KCNH1: variants seen among roughly 807,000 people sequenced by gnomAD.
The protein encoded by KCNH1 is potassium voltage-gated channel subfamily H member 1, also known as voltage-gated delayed rectifier potassium channel KCNH1.
KCNH1 carries 27 observed loss-of-function variants against 69.2 expected under a neutral mutation model. That is an observed-to-expected ratio of 0.39 (90% CI 0.29 to 0.54). The LOEUF (loss-of-function observed/expected upper bound fraction) is 0.54, where lower values mean the gene tolerates loss of function less well. Ranked by LOEUF, KCNH1 falls within the 20% of genes least tolerant of loss-of-function variation. The pLI, the probability that KCNH1 is intolerant of heterozygous loss-of-function variation, is 0.68. For synonymous variants in KCNH1, 456 were observed against 487.7 expected (o/e 0.93, Z 0.86); for missense variants, 798 against 1,261.6 (o/e 0.63, Z 5.57).
At chr1:210,721,701 T>G (rs1321603978) in intron 10 of KCNH1, among the ~76,000 whole-genome samples, 1 of 152,028 alleles carries the variant, frequency 6.6e-6, no homozygotes. Context: ...TACCTAATGT[T>G]AAATGACGAG....
intron 9 of KCNH1, among the ~76,000 whole-genome samples, chr1:210,788,884 G>A: frequency 6.7e-6 from 1 of 148,946 alleles, no homozygotes; most frequent in African/African-American, 2.6e-5. Context: ...TTTTAGTAGA[G>A]ACGGGGTTTC....
chr1:210,955,929 C>G (rs1324283103), intron 6 of KCNH1, among the ~76,000 whole-genome samples: 1 of 152,164 alleles, frequency 6.6e-6, no homozygotes, highest in Non-Finnish European at 1.5e-5. Context: ...GCCAGAACTT[C>G]CAATACTATG....
At chr1:211,065,754 T>G (rs1287283665) in intron 5 of KCNH1, among the ~76,000 whole-genome samples, 1 of 152,120 alleles carries the variant, frequency 6.6e-6, no homozygotes, top group African/African-American at 2.4e-5. Flanking sequence ...ATATATAATT[T>G]TGATCAATTA....
At chr1:210,791,617 C>A (rs1289770059) in intron 9 of KCNH1, among the ~76,000 whole-genome samples, 1 of 152,200 alleles carries the variant, frequency 6.6e-6, no homozygotes, top group African/African-American at 2.4e-5. Context: ...ACTTCTACCT[C>A]CTCCATGAAC....
At chr1:210,813,331 A>G (rs1341477087) in intron 7 of KCNH1, among the ~76,000 whole-genome samples, 2 of 152,244 alleles carry the variant, frequency 1.3e-5, no homozygotes, top group Non-Finnish European at 2.9e-5. Flanking sequence ...GAGGCCTTCA[A>G]AGGAATCTCT....
At chr1:210,985,887 A>G (rs936779038) in intron 6 of KCNH1, among the ~76,000 whole-genome samples, 1 of 152,172 alleles carries the variant, frequency 6.6e-6, no homozygotes, top group Admixed American at 6.5e-5. Flanking sequence ...GTAGGGTGTT[A>G]AAGTCTCCCA....
intron 7 of KCNH1, among the ~76,000 whole-genome samples, chr1:210,899,889 C>T (rs967372552): frequency 6.6e-6 from 1 of 152,176 alleles, no homozygotes; most frequent in Non-Finnish European, 1.5e-5. Context: ...TAATCATTAT[C>T]TAGTTCTCCA....
At chr1:210,912,415 T>G (rs1471072695) in intron 7 of KCNH1, among the ~76,000 whole-genome samples, 1 of 152,200 alleles carries the variant, frequency 6.6e-6, no homozygotes, top group Non-Finnish European at 1.5e-5. Context: ...CTAAAAAGCT[T>G]TGTATCTAAG....
intron 10 of KCNH1, among the ~76,000 whole-genome samples, chr1:210,693,768 C>T (rs886583791): frequency 3.3e-5 from 5 of 152,166 alleles, no homozygotes; most frequent in Admixed American, 3.3e-4. Context: ...TTTTGACAGA[C>T]CAACTTCGAC....
intron 6 of KCNH1, among the ~76,000 whole-genome samples, chr1:210,932,492 G>C (rs888016562): frequency 6.6e-6 from 1 of 151,976 alleles, no homozygotes; most frequent in Non-Finnish European, 1.5e-5. Context: ...AAAATGACAG[G>C]AGTAAGTACT....
chr1:210,954,156 T>C (rs938354239), intron 6 of KCNH1, among the ~76,000 whole-genome samples: 2 of 151,850 alleles, frequency 1.3e-5, no homozygotes, highest in Non-Finnish European at 2.9e-5. Flanking sequence ...ACATGCGGTG[T>C]TTGGTTTTCT....
chr1:211,103,352 T>C (rs1691295703), intron 3 of KCNH1, 144 bp downstream of exon 3: 2 of 567,112 alleles, frequency 3.5e-6, no homozygotes, highest in Admixed American at 6.8e-5. Context: ...ATCTATATCA[T>C]CCATCCCAAC....
At chr1:210,994,559 G>A (rs1263864618) in intron 6 of KCNH1, among the ~76,000 whole-genome samples, 4 of 152,214 alleles carry the variant, frequency 2.6e-5, no homozygotes, top group Admixed American at 2.6e-4. Flanking sequence ...CCCCTTCTAA[G>A]TTCTTGCTAG....
At chr1:211,001,623 A>G (rs572938142) in intron 6 of KCNH1, among the ~76,000 whole-genome samples, 97 of 152,340 alleles carry the variant, frequency 6.4e-4, no homozygotes, top group African/African-American at 2.2e-3. Flanking sequence ...TCAGGGATCT[A>G]GAACTAGAAA....
At position 210,996,424 on chromosome 1, in the gene KCNH1, C is replaced by T. The variant is rs189913474; in HGVS notation, c.1032+22359G>A. Among the ~76,000 whole-genome samples the T allele has an allele frequency of 4.6e-5, 7 of 152,268 alleles. No homozygotes were observed. In the East Asian group the frequency reaches 5.8e-4, roughly 13 times the overall value. ...CTGAGATCAAACTGCAAGGTGGCAG[C>T]GAGGCTGGGGGAGGGGCGCCTGCCA... On this transcript the variant is annotated intron_variant, in intron 6 of 10. Coordinates refer to ENST00000271751, the MANE Select transcript of KCNH1 (RefSeq NM_172362.3).
Position 210,804,037 on chromosome 1 carries a change from C to G in KCNH1, c.1592G>C (p.Gly531Ala). ...DFLKLYQVPKGLSERVMDYIV... is the reference protein window; with the variant it reads ...DFLKLYQVPKALSERVMDYIV... ...ATAATCCATTACTCGCTCACTCAATCCTTTTGGCACCTGGTAGAGCTTCAG... is the reference window on the plus strand; with the variant it reads ...ATAATCCATTACTCGCTCACTCAATGCTTTTGGCACCTGGTAGAGCTTCAG... Residue 531 changes from glycine (G) to alanine (A), a missense_variant, in exon 8 of 11, where the codon GGA becomes GCA. This residue lies in a region of KCNH1 where 197 missense variants were observed against 407.7 expected (regional missense o/e 0.48). Transcript: ENST00000271751. The G allele has an allele frequency of 6.2e-7, 1 of 1,614,198 alleles. No individual in the cohort carries two copies. Among genetic ancestry groups the G allele is most frequent in the Non-Finnish European group, 8.5e-7 (1 of 1,180,030 alleles).
chr1:211,018,284 A>T (rs1349648676), intron 6 of KCNH1, among the ~76,000 whole-genome samples: 2 of 152,230 alleles, frequency 1.3e-5, no homozygotes, highest in African/African-American at 4.8e-5. Context: ...CTCCAAACTC[A>T]TTTTAGCAAA....
intron 10 of KCNH1, among the ~76,000 whole-genome samples, chr1:210,770,615 T>C (rs928170003): frequency 5.9e-5 from 9 of 152,226 alleles, no homozygotes; most frequent in African/African-American, 2.2e-4. Context: ...CCCACACCCA[T>C]CACATCCAGC....
At chr1:211,061,800 G>A (rs1218763169) in intron 5 of KCNH1, among the ~76,000 whole-genome samples, 8 of 151,938 alleles carry the variant, frequency 5.3e-5, no homozygotes, top group Non-Finnish European at 2.9e-5. Flanking sequence ...AAACATTGAG[G>A]CAAGAAATAG....
Sources: gnomAD v4.1 joint callset for allele counts (sites outside exome capture counted in the v4.1 genomes callset) on GRCh38, gnomAD v4.1.1 for gene constraint, gnomAD v4.1.1 regional missense constraint, MANE v1.5 for transcripts, NCBI Gene and HGNC (gene_info 2026-07-23, HGNC 2026-07-21) for gene names.